XPR1: variants seen among roughly 807,000 people sequenced by gnomAD.
XPR1 encodes solute carrier family 53 member 1.
In XPR1, 28 loss-of-function variants were observed where a neutral mutation model predicts 87.5. The observed-to-expected ratio is 0.32, with a 90% CI of 0.24 to 0.44. The LOEUF is 0.44. XPR1 is among the 20% of genes least tolerant of loss of function. XPR1 has a pLI of 1.00. For synonymous variants in XPR1, 300 were observed against 306.1 expected, an observed-to-expected ratio of 0.98 and a Z score of 0.21; for missense variants, 559 against 862.3, an observed-to-expected ratio of 0.65 and a Z score of 4.41.
At chr1:180,757,752 T>C (rs1647806791) in intron 2 of XPR1, among the ~76,000 whole-genome samples, 1 of 151,072 alleles carries the variant, frequency 6.6e-6, no homozygotes, top group African/African-American at 2.4e-5. Flanking sequence ...ACTTCTGGCC[T>C]CAAGCGATCC....
chr1:180,770,259 T>C (rs1324702382), intron 2 of XPR1, among the ~76,000 whole-genome samples: 2 of 152,188 alleles, frequency 1.3e-5, no homozygotes, highest in Non-Finnish European at 2.9e-5. Context: ...ATAGGTTGGC[T>C]TAAACAGCAG....
At chr1:180,852,649 T>C (rs1322310011) in intron 11 of XPR1, among the ~76,000 whole-genome samples, 1 of 152,088 alleles carries the variant, frequency 6.6e-6, no homozygotes. Context: ...CTTGGGCTCA[T>C]GCAGCCCTCT....
chr1:180,848,263 T>C (rs929571028), intron 11 of XPR1, among the ~76,000 whole-genome samples: 1 of 152,144 alleles, frequency 6.6e-6, no homozygotes, highest in Non-Finnish European at 1.5e-5. Context: ...AACTTATTGC[T>C]CCTATCTAGA....
intron 11 of XPR1, among the ~76,000 whole-genome samples, chr1:180,846,017 TG>T (rs1651667955): frequency 6.6e-6 from 1 of 152,120 alleles, no homozygotes; most frequent in South Asian, 2.1e-4. Context: ...CCTAGCACTT[TG>T]GGAGGCCAAG....
At chr1:180,757,504 G>C (rs1045875292) in intron 2 of XPR1, among the ~76,000 whole-genome samples, 1 of 133,936 alleles carries the variant, frequency 7.5e-6, no homozygotes, top group South Asian at 2.4e-4. Context: ...AAGTTACTAG[G>C]CCTTTTTTTT....
At chr1:180,828,547 A>G (rs1650942563) in intron 9 of XPR1, among the ~76,000 whole-genome samples, 1 of 152,190 alleles carries the variant, frequency 6.6e-6, no homozygotes, top group East Asian at 1.9e-4. Context: ...TAATTTAGAC[A>G]TCAGTTTTTA....
At chr1:180,789,833 C>G (rs1003218383) in intron 3 of XPR1, among the ~76,000 whole-genome samples, 2 of 152,140 alleles carry the variant, frequency 1.3e-5, no homozygotes, top group Non-Finnish European at 2.9e-5. Flanking sequence ...CCAATTCATC[C>G]TTTACCTTCT....
At chr1:180,798,610 G>GT (rs1558013328) in intron 3 of XPR1, among the ~76,000 whole-genome samples, 1 of 151,970 alleles carries the variant, frequency 6.6e-6, no homozygotes, top group Admixed American at 6.6e-5. Context: ...TTGCTGTAGG[G>GT]TTTTTTTGTT....
intron 2 of XPR1, among the ~76,000 whole-genome samples, chr1:180,685,533 A>G (rs1011628009): frequency 1.4e-4 from 22 of 151,884 alleles, no homozygotes; most frequent in Non-Finnish European, 2.4e-4. Context: ...CTCTTTTTCT[A>G]TTGATTGGAA....
At chr1:180,644,831 A>G (rs142998819) in intron 1 of XPR1, among the ~76,000 whole-genome samples, 1 of 152,074 alleles carries the variant, frequency 6.6e-6, no homozygotes, top group Admixed American at 6.6e-5. Context: ...GTAGTATATA[A>G]TGAAATAATT....
At chr1:180,710,021 T>C (rs1220906839) in intron 2 of XPR1, among the ~76,000 whole-genome samples, 2 of 151,920 alleles carry the variant, frequency 1.3e-5, no homozygotes, top group Non-Finnish European at 2.9e-5. Flanking sequence ...TTCTCCTGCC[T>C]CAGCCTCCCT....
At chr1:180,697,629 G>A (rs967320361) in intron 2 of XPR1, among the ~76,000 whole-genome samples, 3 of 151,952 alleles carry the variant, frequency 2.0e-5, no homozygotes, top group African/African-American at 7.2e-5. Flanking sequence ...TGTCCTGTAG[G>A]TTTGGGTATG....
intron 1 of XPR1, among the ~76,000 whole-genome samples, chr1:180,649,777 C>T (rs1655235772): frequency 1.3e-5 from 2 of 152,134 alleles, no homozygotes; most frequent in African/African-American, 4.8e-5. Context: ...TGAGTCCTTC[C>T]TCCATCCTTT....
At chr1:180,857,350 T>C (rs1277612821) in intron 11 of XPR1, among the ~76,000 whole-genome samples, 1 of 152,196 alleles carries the variant, frequency 6.6e-6, no homozygotes, top group Non-Finnish European at 1.5e-5. Context: ...TATCTGATCA[T>C]TGTCTACCCC....
chr1:180,748,468 G>T (rs1325856578), intron 2 of XPR1, among the ~76,000 whole-genome samples: 2 of 120,728 alleles, frequency 1.7e-5, no homozygotes, highest in East Asian at 5.2e-4. Flanking sequence ...GACCAGGCTG[G>T]AGTGCAATGG....
chr1:180,738,620 C>T (rs1001412670), intron 2 of XPR1, among the ~76,000 whole-genome samples: 1 of 152,174 alleles, frequency 6.6e-6, no homozygotes, highest in Non-Finnish European at 1.5e-5. Context: ...ATTTTCATCA[C>T]TATGGTTTTA....
Position 180,884,528 on chromosome 1 carries a change from A to AC in XPR1, c.*465dup, listed in dbSNP as rs1319199595. 6.5e-6 allele frequency: 1 copy of AC among 152,914 alleles called. No homozygotes were observed. Among genetic ancestry groups the AC allele is most frequent in the Non-Finnish European group, 1.5e-5 (1 of 68,276 alleles). The allele number at this position is 152,914 out of a possible 1,614,324, so 9.5% of individuals were successfully genotyped here. ...TGGAGAATTTTTTTCTTTCCTTCAT[A>AC]CCCAGCGCAAAGGCACTGGCCGCAC... is the stretch of plus-strand genomic sequence containing the variant. On this transcript the variant is annotated 3_prime_UTR_variant, in exon 15 of 15. Coordinates refer to ENST00000367590, the MANE Select transcript of XPR1 (RefSeq NM_004736.4).
intron 2 of XPR1, among the ~76,000 whole-genome samples, chr1:180,783,774 G>C (rs962827507): frequency 6.6e-6 from 1 of 151,886 alleles, no homozygotes; most frequent in East Asian, 1.9e-4. Context: ...TAATGGTAAG[G>C]CTGGGCGTGG....
intron 2 of XPR1, among the ~76,000 whole-genome samples, chr1:180,730,380 A>G (rs1296989673): frequency 1.3e-5 from 2 of 152,190 alleles, no homozygotes; most frequent in Non-Finnish European, 2.9e-5. Context: ...TTTATAGAGA[A>G]ACCTTTATGA....
Sources: gnomAD v4.1 joint callset for allele counts (sites outside exome capture counted in the v4.1 genomes callset) on GRCh38, gnomAD v4.1.1 for gene constraint, MANE v1.5 for transcripts, NCBI Gene and HGNC (gene_info 2026-07-23, HGNC 2026-07-21) for gene names.